CXADR: variants seen among roughly 807,000 people sequenced by gnomAD.
The protein encoded by CXADR is CXADR cell adhesion molecule.
CXADR carries 20 observed loss-of-function variants against 40.3 expected under a neutral mutation model. The observed-to-expected ratio is 0.50, with a 90% confidence interval of 0.35 to 0.72. The LOEUF (loss-of-function observed/expected upper bound fraction) is 0.72, where lower values mean the gene tolerates loss of function less well. Ranked by LOEUF, CXADR falls within the 30% of genes least tolerant of loss-of-function variation. The pLI, the probability that CXADR is intolerant of heterozygous loss-of-function variation, is 0.01. For missense variants in CXADR, 332 were observed against 449.1 expected, an observed-to-expected ratio of 0.74 and a Z score of 2.36; for synonymous variants, 150 against 161.3, an observed-to-expected ratio of 0.93 and a Z score of 0.53.
Position 17,568,005 on chromosome 21 carries a change from C to G in CXADR, c.*2313C>G. The G allele has an allele frequency of 3.0e-6, 3 of 984,734 alleles. No individual in the cohort carries two copies. Among genetic ancestry groups the G allele is most frequent in the Non-Finnish European group, 3.6e-6 (3 of 829,810 alleles). The allele number at this position is 984,734 out of a possible 1,614,324, so 61.0% of individuals were successfully genotyped here. ...CCAATACGTTTTCAAGTAGTTCTCACTGATAATTTAGTTGAACCAGAGATC... is the reference window on the plus strand; with the variant it reads ...CCAATACGTTTTCAAGTAGTTCTCAGTGATAATTTAGTTGAACCAGAGATC... On this transcript the variant is annotated 3_prime_UTR_variant, in exon 7 of 7. Transcript: ENST00000284878.
chr21:17,601,464 T>C, the CXADR span, among the ~76,000 whole-genome samples: 1 of 152,026 alleles, frequency 6.6e-6, no homozygotes, highest in Admixed American at 6.6e-5. Flanking sequence ...TTCACAATTA[T>C]AGTGAGCTAT....
At chr21:17,553,239 G>T (rs2060992001) in intron 3 of CXADR, among the ~76,000 whole-genome samples, 1 of 152,102 alleles carries the variant, frequency 6.6e-6, no homozygotes, top group South Asian at 2.1e-4. Flanking sequence ...GATGACTTGG[G>T]CACCCAACAC....
the CXADR span, among the ~76,000 whole-genome samples, chr21:17,610,714 G>C: frequency 4.6e-5 from 7 of 152,074 alleles, no homozygotes; most frequent in Non-Finnish European, 1.5e-5. Context: ...TCACCTTTTT[G>C]GGAGCCAATT....
At chr21:17,537,836 G>A (rs77722850) in intron 1 of CXADR, among the ~76,000 whole-genome samples, 268 of 152,174 alleles carry the variant, frequency 1.8e-3, no homozygotes, top group African/African-American at 6.1e-3. Context: ...ATAGTCCCTG[G>A]AGGCAGAGGG....
chr21:17,618,374 A>G, the CXADR span, among the ~76,000 whole-genome samples: 1 of 152,170 alleles, frequency 6.6e-6, no homozygotes, highest in Non-Finnish European at 1.5e-5. Flanking sequence ...CCAAACTTCT[A>G]TTAATGTTGA....
intron 1 of CXADR, chr21:17,518,823 G>A: frequency 6.4e-7 from 1 of 1,565,658 alleles, no homozygotes; most frequent in Non-Finnish European, 8.8e-7. Context: ...CTTTAATCAT[G>A]TTCATCTCTT....
At chr21:17,577,151 C>CA (rs540355238) in intron 7 of CXADR, among the ~76,000 whole-genome samples, 2,312 of 137,708 alleles carry the variant, frequency 0.017, 43 homozygotes, top group African/African-American at 0.046. Flanking sequence ...GACCCTGTCT[C>CA]AAAAAAAAAA....
the CXADR span, among the ~76,000 whole-genome samples, chr21:17,630,920 C>T: frequency 6.6e-6 from 1 of 151,860 alleles, no homozygotes; most frequent in Non-Finnish European, 1.5e-5. Flanking sequence ...GTGCAGAATT[C>T]GAAACGCAGG....
At chr21:17,514,726 C>T (rs888719282) in intron 1 of CXADR, among the ~76,000 whole-genome samples, 1 of 151,768 alleles carries the variant, frequency 6.6e-6, no homozygotes, top group Non-Finnish European at 1.5e-5. Context: ...CTCCGCCCCC[C>T]GCGTTTAAGC....
the CXADR span, among the ~76,000 whole-genome samples, chr21:17,620,719 G>A: frequency 5.9e-5 from 9 of 151,564 alleles, no homozygotes; most frequent in African/African-American, 1.5e-4. Context: ...CAGAAATAAC[G>A]TAAAAAAAAA....
intron 1 of CXADR, 92 bp downstream of exon 1, chr21:17,513,264 G>A: frequency 8.1e-7 from 1 of 1,227,248 alleles, no homozygotes; most frequent in Non-Finnish European, 1.0e-6. Flanking sequence ...GTGGGGGAGG[G>A]GGCGGGCGCG....
chr21:17,603,544 C>G, the CXADR span, among the ~76,000 whole-genome samples: 1 of 152,162 alleles, frequency 6.6e-6, no homozygotes, highest in Admixed American at 6.5e-5. Flanking sequence ...GGAATCAGGT[C>G]AGTCTGCGAC....
chr21:17,635,837 A>G, the CXADR span, among the ~76,000 whole-genome samples: 1 of 152,308 alleles, frequency 6.6e-6, no homozygotes, highest in African/African-American at 2.4e-5. Context: ...GCTGGCTGGG[A>G]TTTCTATTAG....
rs758306077 is a variant in CXADR, at chr21:17,551,862, G to A, written c.324G>A (p.Thr108=). Residue 108 remains threonine, a synonymous_variant, in exon 3 of 7, where the codon ACG becomes ACA. Coordinates refer to ENST00000284878, the MANE Select transcript of CXADR (RefSeq NM_001338.5). ...CTGGTGATGCATCAATAAATGTAACGAATTTACAACTGTCAGATATTGGCA... is the reference window on the plus strand; with the variant it reads ...CTGGTGATGCATCAATAAATGTAACAAATTTACAACTGTCAGATATTGGCA... The part of the protein sequence containing the change: ...LKSGDASINV[T]NLQLSDIGTY... 9.3e-6 allele frequency: 15 copies of A among 1,613,708 alleles called. No individual in the cohort carries two copies. Among genetic ancestry groups the A allele is most frequent in the East Asian group, 4.5e-5 (2 of 44,864 alleles).
At chr21:17,556,676 TC>T (rs1366922436) in intron 3 of CXADR, among the ~76,000 whole-genome samples, 3 of 152,168 alleles carry the variant, frequency 2.0e-5, no homozygotes, top group Admixed American at 1.3e-4. Flanking sequence ...TATTTAAAAG[TC>T]CAATTGATGT....
intron 1 of CXADR, among the ~76,000 whole-genome samples, chr21:17,532,563 A>G (rs2060692264): frequency 6.6e-6 from 1 of 152,192 alleles, no homozygotes; most frequent in Admixed American, 6.5e-5. Flanking sequence ...TGATGTTCTA[A>G]TTGCCAAATC....
At chr21:17,550,673 G>A (rs2060955763) in intron 2 of CXADR, among the ~76,000 whole-genome samples, 1 of 152,192 alleles carries the variant, frequency 6.6e-6, no homozygotes, top group East Asian at 1.9e-4. Flanking sequence ...ATTATAAAAT[G>A]TGTTAAATTA....
intron 2 of CXADR, 145 bp from the exon 3 acceptor site, chr21:17,551,602 TTA>T: frequency 1.5e-6 from 1 of 654,376 alleles, no homozygotes; most frequent in Non-Finnish European, 2.6e-6. Context: ...TTGGGTAGTT[TTA>T]TGTTTCCCCA....
chr21:17,573,856 G>A (rs1433995687), downstream of CXADR, among the ~76,000 whole-genome samples: 2 of 152,206 alleles, frequency 1.3e-5, no homozygotes, highest in Non-Finnish European at 1.5e-5. Context: ...GCAGTGAGCC[G>A]AGATTGTGCC....
Sources: gnomAD v4.1 joint callset for allele counts (sites outside exome capture counted in the v4.1 genomes callset) on GRCh38, gnomAD v4.1.1 for gene constraint, MANE v1.5 for transcripts, NCBI Gene and HGNC (gene_info 2026-07-23, HGNC 2026-07-21) for gene names.